IL1RAPL2: variants seen among roughly 807,000 people sequenced by gnomAD.
IL1RAPL2 encodes the protein interleukin 1 receptor accessory protein like 2.
In IL1RAPL2, 3 loss-of-function variants were observed where a neutral mutation model predicts 44.1. That is an observed-to-expected ratio of 0.07 (90% CI 0.03 to 0.18). The LOEUF (loss-of-function observed/expected upper bound fraction) is 0.18, where lower values mean the gene tolerates loss of function less well. Ranked by LOEUF, IL1RAPL2 falls within the 10% of genes least tolerant of loss-of-function variation. The pLI, the probability that IL1RAPL2 is intolerant of heterozygous loss-of-function variation, is 1.00. For missense variants in IL1RAPL2, 391 were observed against 496.4 expected (o/e 0.79, Z 2.02); for synonymous variants, 181 against 178.8 (o/e 1.01, Z -0.10).
intron 7 of IL1RAPL2, among the ~76,000 whole-genome samples, chrX:105,725,451 C>G (rs1311775481): frequency 1.8e-5 from 2 of 111,295 alleles, no homozygotes; most frequent in Non-Finnish European, 3.8e-5. Flanking sequence ...ACTTTCTGGT[C>G]TTCGGTTTCA....
chrX:104,784,757 C>A (rs1932790084), intron 2 of IL1RAPL2, among the ~76,000 whole-genome samples: 4 of 107,218 alleles, frequency 3.7e-5, no homozygotes. Context: ...TTTATATCTT[C>A]TTTGACATCT....
chrX:104,829,519 C>A (rs959939517), intron 2 of IL1RAPL2, among the ~76,000 whole-genome samples: 2 of 112,296 alleles, frequency 1.8e-5, no homozygotes, highest in Admixed American at 1.9e-4. Context: ...ATGCAGAAAT[C>A]ACCCACCTTC....
intron 6 of IL1RAPL2, among the ~76,000 whole-genome samples, chrX:105,547,989 G>T (rs1039506581): frequency 2.2e-4 from 25 of 111,712 alleles, no homozygotes; most frequent in Admixed American, 1.1e-3. Context: ...CTGATGAAAA[G>T]AAGTTTAGTG....
At chrX:104,810,120 T>A (rs1449420920) in intron 2 of IL1RAPL2, among the ~76,000 whole-genome samples, 1 of 109,901 alleles carries the variant, frequency 9.1e-6, no homozygotes, top group East Asian at 2.8e-4. Context: ...TGTAGGGACA[T>A]GGATGAAATT....
chrX:105,558,413 C>G (rs764063547), intron 6 of IL1RAPL2, among the ~76,000 whole-genome samples: 1 of 111,783 alleles, frequency 8.9e-6, no homozygotes, highest in African/African-American at 3.2e-5. Flanking sequence ...TCTTTTCCTA[C>G]TATCTTCATT....
intron 5 of IL1RAPL2, among the ~76,000 whole-genome samples, chrX:105,359,017 T>C: frequency 8.9e-6 from 1 of 112,187 alleles, no homozygotes; most frequent in Non-Finnish European, 1.9e-5. Flanking sequence ...GCTTTTGAAT[T>C]CCTTCATCAG....
chrX:105,127,982 A>G (rs753787337), intron 2 of IL1RAPL2, among the ~76,000 whole-genome samples: 4 of 111,097 alleles, frequency 3.6e-5, no homozygotes, highest in Non-Finnish European at 3.8e-5. Context: ...TATAATACAT[A>G]TAGTACTCAG....
At chrX:104,802,639 G>T (rs1932893310) in intron 2 of IL1RAPL2, among the ~76,000 whole-genome samples, 1 of 111,465 alleles carries the variant, frequency 9.0e-6, no homozygotes, top group South Asian at 3.7e-4. Context: ...TTCTATGTTT[G>T]TTCATAGTAC....
intron 5 of IL1RAPL2, among the ~76,000 whole-genome samples, chrX:105,432,425 T>C (rs1003433056): frequency 2.7e-5 from 3 of 110,448 alleles, no homozygotes; most frequent in Non-Finnish European, 5.7e-5. Flanking sequence ...GTTTTCTTAC[T>C]GTCACTGAAA....
chrX:105,540,788 T>TAA lies in IL1RAPL2; in HGVS notation c.772+56402_772+56403dup, dbSNP rs1417763246. On this transcript the variant is annotated intron_variant, in intron 6 of 10. Transcript: ENST00000372582. ...TTCTTGGAATATATATATATATATA[T>TAA]AATATAAATATATTAGTTATATAAT... is the stretch of plus-strand genomic sequence containing the variant. Among the ~76,000 whole-genome samples the TAA allele has an allele frequency of 5.4e-5, 4 of 74,751 alleles. No individual in the cohort carries two copies. The East Asian group carries it at 1.6e-3, about 30-fold the overall frequency. 64.9% of individuals were successfully genotyped at this position (74,751 alleles called of 115,157 possible).
At chrX:105,629,410 G>A (rs188554520) in intron 6 of IL1RAPL2, among the ~76,000 whole-genome samples, 1 of 111,734 alleles carries the variant, frequency 8.9e-6, no homozygotes, top group East Asian at 2.8e-4. Context: ...GATTAGTGAT[G>A]TAGAGATTTC....
intron 5 of IL1RAPL2, among the ~76,000 whole-genome samples, chrX:105,314,018 A>C (rs749160488): frequency 8.9e-6 from 1 of 112,206 alleles, no homozygotes; most frequent in East Asian, 2.8e-4. Context: ...AGTAAATTAT[A>C]ATCAAAATCT....
intron 2 of IL1RAPL2, among the ~76,000 whole-genome samples, chrX:105,009,659 T>A (rs1186404013): frequency 2.1e-4 from 22 of 106,441 alleles, no homozygotes; most frequent in Non-Finnish European, 4.1e-4. Flanking sequence ...AAATGACGAG[T>A]TAATGGGTGC....
intron 2 of IL1RAPL2, among the ~76,000 whole-genome samples, chrX:104,754,430 A>G (rs1168100374): frequency 2.7e-5 from 3 of 111,833 alleles, no homozygotes; most frequent in Non-Finnish European, 5.7e-5. Context: ...TGCCCATCTC[A>G]TGAGAAGTTC....
At chrX:104,843,470 G>C (rs1921963784) in intron 2 of IL1RAPL2, among the ~76,000 whole-genome samples, 1 of 111,062 alleles carries the variant, frequency 9.0e-6, no homozygotes, top group Admixed American at 9.6e-5. Context: ...AAACTCCTGT[G>C]GCTACCTCGG....
intron 2 of IL1RAPL2, among the ~76,000 whole-genome samples, chrX:104,673,801 A>G (rs1475028534): frequency 9.3e-6 from 1 of 107,889 alleles, no homozygotes. Context: ...TTCTCCTTGA[A>G]GAGGTCCTTC....
At chrX:104,698,326 C>G (rs1185328065) in intron 2 of IL1RAPL2, among the ~76,000 whole-genome samples, 2 of 111,854 alleles carry the variant, frequency 1.8e-5, no homozygotes, top group Non-Finnish European at 1.9e-5. Flanking sequence ...AGCCCAACAC[C>G]CAAAGAAAAG....
At chrX:105,230,926 T>C (rs1466613503) in intron 3 of IL1RAPL2, among the ~76,000 whole-genome samples, 8 of 112,159 alleles carry the variant, frequency 7.1e-5, no homozygotes, top group Admixed American at 2.8e-4. Flanking sequence ...TACCCTATTT[T>C]CTACCCAGGG....
intron 2 of IL1RAPL2, among the ~76,000 whole-genome samples, chrX:105,154,669 T>C (rs148584900): frequency 6.1e-4 from 68 of 111,868 alleles, no homozygotes; most frequent in African/African-American, 2.1e-3. Context: ...TTTCTTTCTA[T>C]TGTTCCTGTG....
Sources: gnomAD v4.1 joint callset for allele counts (sites outside exome capture counted in the v4.1 genomes callset) on GRCh38, gnomAD v4.1.1 for gene constraint, MANE v1.5 for transcripts, NCBI Gene and HGNC (gene_info 2026-07-23, HGNC 2026-07-21) for gene names.